Variants in RAPH1 observed in about 807,000 individuals in gnomAD.
RAPH1 encodes ras-associated and pleckstrin homology domains-containing protein 1.
In RAPH1, 18 loss-of-function variants were observed where a neutral mutation model predicts 88.1. The ratio of observed to expected loss-of-function variants is 0.20; its 90% CI spans 0.14 to 0.30. RAPH1 has a LOEUF of 0.30. Among genes scored for constraint, RAPH1 ranks in the 10% least tolerant of loss-of-function variants. The probability of loss-of-function intolerance (pLI) is 1.00; values close to 1 mark genes in which losing one functional copy is unlikely to be tolerated. For synonymous variants in RAPH1, 587 were observed against 559.0 expected (o/e 1.05, Z -0.71); for missense variants, 1,448 against 1,543.2 (o/e 0.94, Z 1.03).
intron 1 of RAPH1, among the ~76,000 whole-genome samples, chr2:203,509,043 CAAA>C (rs1251259201): frequency 6.8e-6 from 1 of 146,660 alleles, no homozygotes; most frequent in African/African-American, 2.5e-5. Context: ...TTCACAGATG[CAAA>C]AAGAGTCATT....
chr2:203,511,119 C>G lies in RAPH1; in HGVS notation c.1-15766G>C, dbSNP rs576378616. Among the ~76,000 whole-genome samples, 133 of 152,184 alleles carry G rather than the reference C, an allele frequency of 8.7e-4. 1 individual carries two copies. Among genetic ancestry groups the G allele is most frequent in the African/African-American group, 3.0e-3 (124 of 41,528 alleles). Reference sequence around the variant, plus strand: ...TCACCCTCCACACCCAACTAGATTGCAAGCTCTGGAAAGAGAGAAACCATA... The same window carrying G: ...TCACCCTCCACACCCAACTAGATTGGAAGCTCTGGAAAGAGAGAAACCATA... On this transcript the variant is annotated intron_variant, in intron 1 of 13. Transcript: ENST00000319170.
chr2:203,517,185 A>G (rs771164974), intron 1 of RAPH1, among the ~76,000 whole-genome samples: 63 of 152,028 alleles, frequency 4.1e-4, no homozygotes, highest in Non-Finnish European at 7.2e-4. Flanking sequence ...CCATCCTAAC[A>G]CTAATCAAAA....
At chr2:203,506,790 A>ATC (rs1215468558) in intron 1 of RAPH1, among the ~76,000 whole-genome samples, 1 of 125,746 alleles carries the variant, frequency 8.0e-6, no homozygotes. Context: ...CTAGATATAT[A>ATC]TATCTATATA....
chr2:203,495,205 C>T (rs1688459222), intron 2 of RAPH1, 29 bp downstream of exon 2: 3 of 1,612,884 alleles, frequency 1.9e-6, no homozygotes, highest in African/African-American at 1.3e-5. Flanking sequence ...GACTTCAAAT[C>T]CTCAACCAGT....
intron 13 of RAPH1, chr2:203,442,569 T>G (rs1160241650): frequency 1.3e-5 from 2 of 152,574 alleles, no homozygotes; most frequent in Non-Finnish European, 2.9e-5. Flanking sequence ...TCACCGAGGT[T>G]AATGTGTTTC....
At position 203,448,665 on chromosome 2, in the gene RAPH1, T is replaced by G; in HGVS notation, c.1512+73A>C. The G allele has an allele frequency of 9.9e-7, 1 of 1,013,814 alleles. No individual in the cohort carries two copies. Among genetic ancestry groups the G allele is most frequent in the South Asian group, 1.6e-5 (1 of 61,608 alleles). The allele number at this position is 1,013,814 out of a possible 1,614,324, so 62.8% of individuals were successfully genotyped here. A position where few individuals can be genotyped will look rare whatever the true frequency, so the allele number is the denominator to read the frequency against. Reference sequence around the variant, plus strand: ...CATGAACATGAAATAGTCAGAATAGTTGTCATGAAAACGAAAACTATATCA... The same window carrying G: ...CATGAACATGAAATAGTCAGAATAGGTGTCATGAAAACGAAAACTATATCA... On this transcript the variant is annotated intron_variant, in intron 11 of 13. Coordinates refer to ENST00000319170, the MANE Select transcript of RAPH1 (RefSeq NM_213589.3). The surrounding 1 kb of genome is among the most constrained non-coding windows in gnomAD (Gnocchi z 4.1).
rs1189367747 is a variant in RAPH1 at position 203,445,139 on chromosome 2, C to A, written c.1634-129G>T. The stretch of plus-strand genomic sequence containing the variant: ...TACAACAGCACCAAGTTATTTTACT[C>A]ATTTCATCATAAACACAGCCAGTAT... On this transcript the variant is annotated intron_variant, in intron 12 of 13. Transcript: ENST00000319170. 4 of 684,330 alleles carry A rather than the reference C, an allele frequency of 5.8e-6. No individual in the cohort carries two copies. In the African/African-American group the frequency reaches 7.3e-5, roughly 13 times the overall value. The allele number at this position is 684,330 out of a possible 1,614,324, so 42.4% of individuals were successfully genotyped here.
At chr2:203,508,548 C>T (rs1689193254) in intron 1 of RAPH1, among the ~76,000 whole-genome samples, 1 of 152,146 alleles carries the variant, frequency 6.6e-6, no homozygotes, top group African/African-American at 2.4e-5. Flanking sequence ...CATGCATACT[C>T]AAGTCCAGTA....
intron 1 of RAPH1, among the ~76,000 whole-genome samples, chr2:203,523,389 T>C (rs964907514): frequency 1.0e-4 from 14 of 139,298 alleles, no homozygotes; most frequent in African/African-American, 3.3e-4. Flanking sequence ...CGAGACTCTG[T>C]CTCAAAAAAA....
chr2:203,454,651 T>C (rs1307068867), intron 9 of RAPH1, 111 bp from the exon 10 acceptor site: 2 of 666,790 alleles, frequency 3.0e-6, no homozygotes, highest in African/African-American at 1.8e-5. Context: ...TAATACTAAA[T>C]AGAAATTATT....
intron 1 of RAPH1, among the ~76,000 whole-genome samples, chr2:203,531,981 T>A (rs770118533): frequency 6.6e-6 from 1 of 152,080 alleles, no homozygotes; most frequent in African/African-American, 2.4e-5. Context: ...ACCCCAAAGG[T>A]GGAAACAACC....
intron 4 of RAPH1, among the ~76,000 whole-genome samples, chr2:203,479,706 T>C (rs186607639): frequency 5.1e-4 from 78 of 151,956 alleles, no homozygotes; most frequent in Non-Finnish European, 2.9e-5. Flanking sequence ...TATTATTCAG[T>C]GTACCCTTAC....
chr2:203,475,751 A>C (rs915368373), intron 4 of RAPH1, among the ~76,000 whole-genome samples: 2 of 119,670 alleles, frequency 1.7e-5, no homozygotes, highest in Admixed American at 7.9e-5. Flanking sequence ...TTCTTGTATA[A>C]AAAAAAAAAA....
At chr2:203,446,651 A>G (rs946317714) in intron 12 of RAPH1, 4 of 152,172 alleles carry the variant, frequency 2.6e-5, no homozygotes, top group African/African-American at 7.2e-5. Flanking sequence ...TTACAATCCT[A>G]TACTATATTA....
chr2:203,491,410 C>A, intron 2 of RAPH1, 91 bp from the exon 3 acceptor site: 1 of 767,382 alleles, frequency 1.3e-6, no homozygotes. Context: ...AAGTGAACTG[C>A]CACACTATAA....
At chr2:203,459,273 G>C (rs2098522467) in intron 7 of RAPH1, among the ~76,000 whole-genome samples, 1 of 152,146 alleles carries the variant, frequency 6.6e-6, no homozygotes, top group African/African-American at 2.4e-5. Context: ...TATGCCATTT[G>C]AAGCATAACT....
intron 1 of RAPH1, among the ~76,000 whole-genome samples, chr2:203,525,416 G>A (rs1690070691): frequency 6.6e-6 from 1 of 151,924 alleles, no homozygotes; most frequent in African/African-American, 2.4e-5. Flanking sequence ...GCTGACCTCA[G>A]GCAATCCACC....
intron 7 of RAPH1, 105 bp downstream of exon 7, chr2:203,459,802 C>T (rs2098522912): frequency 1.7e-6 from 2 of 1,195,008 alleles, no homozygotes; most frequent in African/African-American, 3.1e-5. Flanking sequence ...AGGTATATCG[C>T]TCCAACCAGG....
At chr2:203,447,847 A>T in intron 12 of RAPH1, 112 bp downstream of exon 12, 2 of 1,099,084 alleles carry the variant, frequency 1.8e-6, no homozygotes, top group Non-Finnish European at 2.6e-6. Flanking sequence ...TTTAGGAATT[A>T]AGTATGGCTC....
Sources: allele counts gnomAD v4.1 joint callset (sites outside exome capture counted in the v4.1 genomes callset), GRCh38; gene constraint gnomAD v4.1.1; non-coding constraint Gnocchi (gnomAD v3.1); transcripts MANE v1.5; gene names NCBI Gene and HGNC (gene_info 2026-07-23, HGNC 2026-07-21).